The following MCC variants were observed in gnomAD, a reference collection of about 807,000 sequenced individuals.
MCC encodes MCC regulator of Wnt signaling pathway.
In MCC, 90 loss-of-function variants were observed where a neutral mutation model predicts 116.2. That is an observed-to-expected ratio of 0.77 (90% confidence interval 0.65 to 0.92). The LOEUF (loss-of-function observed/expected upper bound fraction) is 0.92, where lower values mean the gene tolerates loss of function less well. Ranked by LOEUF, MCC falls within the 40% of genes least tolerant of loss-of-function variation. The probability of loss-of-function intolerance (pLI) is 0.00; values close to 1 mark genes in which losing one functional copy is unlikely to be tolerated. For synonymous variants in MCC, 578 were observed against 510.5 expected (o/e 1.13, Z -1.78); for missense variants, 1,516 against 1,312.2 (o/e 1.16, Z -2.40).
At chr5:113,383,949 C>G (rs1291803936) in intron 2 of MCC, among the ~76,000 whole-genome samples, 1 of 152,092 alleles carries the variant, frequency 6.6e-6, no homozygotes. Flanking sequence ...AATAGATCTA[C>G]CTAGCAGAGA....
chr5:113,076,199 T>C (rs189217958), intron 11 of MCC, among the ~76,000 whole-genome samples: 1 of 152,124 alleles, frequency 6.6e-6, no homozygotes. Flanking sequence ...GACCTGAAAG[T>C]GATGGGGAGA....
intron 8 of MCC, among the ~76,000 whole-genome samples, chr5:113,093,920 T>C (rs572966745): frequency 1.1e-4 from 16 of 152,232 alleles, no homozygotes; most frequent in Admixed American, 2.6e-4. Context: ...CTGTAATTCA[T>C]AATTTCACTG....
chr5:113,187,690 G>A (rs1186822640), intron 3 of MCC, among the ~76,000 whole-genome samples: 10 of 151,210 alleles, frequency 6.6e-5, no homozygotes, highest in South Asian at 2.1e-4. Context: ...AGGAGGCGGA[G>A]CTTGCAGTGA....
chr5:113,172,047 G>C (rs757406268), intron 3 of MCC, among the ~76,000 whole-genome samples: 3 of 152,168 alleles, frequency 2.0e-5, no homozygotes, highest in Non-Finnish European at 4.4e-5. Context: ...CTGTTATGTA[G>C]GGGAAGGATT....
chr5:113,121,085 C>A (rs113306330), intron 6 of MCC, among the ~76,000 whole-genome samples: 1 of 152,200 alleles, frequency 6.6e-6, no homozygotes, highest in Non-Finnish European at 1.5e-5. Flanking sequence ...CACCTTCAAT[C>A]GGTTTCCAAT....
chr5:113,062,758 A>G (rs1753309684), intron 14 of MCC, among the ~76,000 whole-genome samples: 1 of 152,234 alleles, frequency 6.6e-6, no homozygotes, highest in Non-Finnish European at 1.5e-5. Context: ...GTTTGTGGGC[A>G]CCTGGCTGAG....
intron 1 of MCC, among the ~76,000 whole-genome samples, chr5:113,452,367 T>C (rs1771426884): frequency 6.6e-6 from 1 of 152,228 alleles, no homozygotes; most frequent in African/African-American, 2.4e-5. Context: ...ATCACCAATG[T>C]GATGGTATTA....
chr5:113,256,472 G>C (rs1371025438), intron 3 of MCC, among the ~76,000 whole-genome samples: 4 of 152,104 alleles, frequency 2.6e-5, no homozygotes, highest in Non-Finnish European at 5.9e-5. Context: ...CTGAGTTTTA[G>C]AAAAAATAAA....
intron 6 of MCC, among the ~76,000 whole-genome samples, chr5:113,114,590 C>T (rs1757288062): frequency 6.6e-6 from 1 of 152,178 alleles, no homozygotes. Flanking sequence ...CGCCCCCCAT[C>T]CTATACCCAT....
At chr5:113,433,919 C>T in intron 1 of MCC, 1 of 1,614,038 alleles carries the variant, frequency 6.2e-7, no homozygotes, top group African/African-American at 1.3e-5. Flanking sequence ...TGGTGGCAGA[C>T]TTCTTGTCAG....
Position 113,064,107 on chromosome 5 carries a change from T to C in MCC, c.2090A>G (p.Lys697Arg). The change falls in exon 14 of 19, where the codon AAG (lysine) becomes AGG (arginine). Residue 697 changes from lysine (K) to arginine (R), a missense_variant. By Grantham distance (26) the Lys-to-Arg change is conservative. Coordinates refer to ENST00000408903, the MANE Select transcript of MCC (RefSeq NM_001085377.2). ...GGCCTTGGCAGCGTTCTCAGCTGTCTTCCGGCAGTCATGAGCTCGCTTGAG... is the reference window on the plus strand; with the variant it reads ...GGCCTTGGCAGCGTTCTCAGCTGTCCTCCGGCAGTCATGAGCTCGCTTGAG... ...QMLKRAHDCR[K>R]TAENAAKALL... is the part of the protein sequence containing the mutation. 6.2e-7 allele frequency: 1 copy of C among 1,614,198 alleles called. No individual in the cohort carries two copies. Among genetic ancestry groups the C allele is most frequent in the Non-Finnish European group, 8.5e-7 (1 of 1,180,024 alleles).
chr5:113,314,746 C>T (rs1050169900), intron 3 of MCC, among the ~76,000 whole-genome samples: 1 of 152,134 alleles, frequency 6.6e-6, no homozygotes, highest in Admixed American at 6.6e-5. Flanking sequence ...CACCACCATG[C>T]CCAGCTAATT....
chr5:113,478,582 T>C (rs1478029260), intron 1 of MCC, among the ~76,000 whole-genome samples: 1 of 152,164 alleles, frequency 6.6e-6, no homozygotes, highest in Non-Finnish European at 1.5e-5. Context: ...CTGTATGTGA[T>C]AAGCTTGGGA....
intron 18 of MCC, among the ~76,000 whole-genome samples, chr5:113,028,559 G>C (rs903336669): frequency 5.9e-5 from 9 of 152,154 alleles, no homozygotes; most frequent in Admixed American, 5.2e-4. Context: ...AAGTATTCCA[G>C]TGGATATTGT....
chr5:113,188,143 C>A (rs1015340891), intron 3 of MCC, among the ~76,000 whole-genome samples: 1 of 152,212 alleles, frequency 6.6e-6, no homozygotes, highest in African/African-American at 2.4e-5. Context: ...GGTACTGAAA[C>A]AACGAATATA....
chr5:113,229,769 T>C (rs370400447), intron 3 of MCC, among the ~76,000 whole-genome samples: 28 of 152,336 alleles, frequency 1.8e-4, no homozygotes, highest in African/African-American at 4.6e-4. Flanking sequence ...TGTGCTACTA[T>C]TGGCTACAGT....
chr5:113,254,580 G>C (rs1389657622), intron 3 of MCC, among the ~76,000 whole-genome samples: 8 of 152,152 alleles, frequency 5.3e-5, no homozygotes, highest in African/African-American at 1.9e-4. Flanking sequence ...CATACGTAAA[G>C]CAAACAAAAG....
intron 1 of MCC, among the ~76,000 whole-genome samples, chr5:113,446,695 G>C (rs929459484): frequency 1.3e-5 from 2 of 152,128 alleles, no homozygotes; most frequent in Non-Finnish European, 2.9e-5. Context: ...ACTAAAAATA[G>C]ACCCAGCAAT....
rs548797082 is a variant in MCC, at chr5:113,441,258, C to T, written c.170+46987G>A. 1.7e-4 allele frequency among the ~76,000 whole-genome samples: 26 copies of T among 152,124 alleles called. No homozygotes were observed. The South Asian group carries it at 3.9e-3, about 23-fold the overall frequency. ...GTTTAGGCAGGAGAATCTCTTGAACCCAGGAGGCGGAGGTTACAGTGAGCC... is the reference window on the plus strand; with the variant it reads ...GTTTAGGCAGGAGAATCTCTTGAACTCAGGAGGCGGAGGTTACAGTGAGCC... On this transcript the variant is annotated intron_variant, in intron 1 of 18. Transcript: ENST00000408903.
Sources: allele counts gnomAD v4.1 joint callset (sites outside exome capture counted in the v4.1 genomes callset), GRCh38; gene constraint gnomAD v4.1.1; transcripts MANE v1.5; gene names NCBI Gene and HGNC (gene_info 2026-07-23, HGNC 2026-07-21).